Variants in SLC26A5 observed in about 807,000 individuals in gnomAD.
SLC26A5 encodes the protein prestin.
Under a neutral mutation model 81.0 loss-of-function variants are expected in SLC26A5, and 51 were observed. The ratio of observed to expected loss-of-function variants is 0.63; its 90% CI spans 0.50 to 0.80. The LOEUF is 0.80. Ranked by LOEUF, SLC26A5 falls within the 30% of genes least tolerant of loss-of-function variation. The probability of loss-of-function intolerance (pLI) is 0.00; values close to 1 mark genes in which losing one functional copy is unlikely to be tolerated. For missense variants in SLC26A5, 771 were observed against 905.8 expected (o/e 0.85, Z 1.91); for synonymous variants, 325 against 332.8 (o/e 0.98, Z 0.25).
At chr7:103,430,802 T>C (rs961482936) in intron 2 of SLC26A5, among the ~76,000 whole-genome samples, 1 of 152,222 alleles carries the variant, frequency 6.6e-6, no homozygotes, top group African/African-American at 2.4e-5. Flanking sequence ...ATCAGATCTT[T>C]TAAGTCCATG....
Position 103,377,706 on chromosome 7 carries a change from C to T in SLC26A5, c.1879G>A (p.Glu627Lys), listed in dbSNP as rs1343334845. The T allele has an allele frequency of 6.2e-7, 1 of 1,613,836 alleles. No homozygotes were observed. Among genetic ancestry groups the T allele is most frequent in the African/African-American group, 1.3e-5 (1 of 74,912 alleles). ...GGGGGCATAAATCTTTGCATTTCCT[C>T]AGGAAATGTGCTTTTGATCACTATT... ...PPIVIKSTFPEEMQRFMPPGD... is the reference protein window; with the variant it reads ...PPIVIKSTFPKEMQRFMPPGD... Residue 627 changes from glutamate (E) to lysine (K), a missense_variant, in exon 18 of 20, where the codon GAG (glutamate) becomes AAG (lysine). Transcript: ENST00000306312.
At chr7:103,421,988 A>G (rs1825388813) in intron 2 of SLC26A5, among the ~76,000 whole-genome samples, 1 of 152,204 alleles carries the variant, frequency 6.6e-6, no homozygotes, top group Non-Finnish European at 1.5e-5. Context: ...CCAATTCTAT[A>G]TTTATGGTTG....
At chr7:103,362,793 TC>T (rs569927187) in intron 19 of SLC26A5, 252 of 1,291,982 alleles carry the variant, frequency 2.0e-4, no homozygotes, top group South Asian at 3.3e-4. Flanking sequence ...GAAGGCTATG[TC>T]TTTTTTTTTT....
At chr7:103,362,722 G>A in intron 19 of SLC26A5, 1 of 1,605,462 alleles carries the variant, frequency 6.2e-7, no homozygotes, top group Non-Finnish European at 8.5e-7. Flanking sequence ...ACATTCCATT[G>A]CCTCCTAAGA....
At chr7:103,390,781 C>T (rs1822577234) in intron 11 of SLC26A5, among the ~76,000 whole-genome samples, 1 of 151,934 alleles carries the variant, frequency 6.6e-6, no homozygotes, top group Admixed American at 6.6e-5. Flanking sequence ...TGGTGCCAAC[C>T]TGAGACCTAC....
chr7:103,445,638 T>C (rs1165644743), intron 1 of SLC26A5: 1 of 152,140 alleles, frequency 6.6e-6, no homozygotes, highest in Non-Finnish European at 1.5e-5. Context: ...GGGCGGCCAA[T>C]GCCGGGCAAG....
intron 5 of SLC26A5, among the ~76,000 whole-genome samples, chr7:103,412,778 T>C (rs1382490886): frequency 6.6e-6 from 1 of 152,114 alleles, no homozygotes; most frequent in Admixed American, 6.6e-5. Context: ...CTCGAACTAC[T>C]GACCTCAGAC....
At chr7:103,402,805 T>C (rs1247300103) in intron 8 of SLC26A5, among the ~76,000 whole-genome samples, 4 of 152,230 alleles carry the variant, frequency 2.6e-5, no homozygotes, top group Non-Finnish European at 5.9e-5. Context: ...TCTATTTTGT[T>C]AATCTTTTCA....
intron 6 of SLC26A5, 93 bp downstream of exon 6, chr7:103,411,327 A>G: frequency 2.0e-6 from 3 of 1,487,784 alleles, no homozygotes; most frequent in Non-Finnish European, 2.8e-6. Flanking sequence ...GGCTGACCCC[A>G]TCCACCGTGT....
chr7:103,376,707 A>C lies in SLC26A5; in HGVS notation c.2041+101T>G. The C allele has an allele frequency of 3.3e-6, 3 of 914,658 alleles. No individual in the cohort carries two copies. The Admixed American group carries it at 6.7e-5, about 20-fold the overall frequency. 56.7% of individuals were successfully genotyped at this position (914,658 alleles called of 1,614,324 possible). ...TTTCAGAAGAACAATTTTCATTTTT[A>C]TAAAATAATTAAAATTAAGGACATT... On this transcript the variant is annotated intron_variant, in intron 19 of 19. Transcript: ENST00000306312.
intron 3 of SLC26A5, 119 bp from the exon 4 acceptor site, chr7:103,420,996 G>T (rs374195363): frequency 1.4e-5 from 16 of 1,135,276 alleles, no homozygotes; most frequent in Middle Eastern, 5.5e-4. Context: ...TTTCCAATTG[G>T]TGATTCAAGA....
At chr7:103,416,741 T>C (rs1824941666) in intron 4 of SLC26A5, among the ~76,000 whole-genome samples, 1 of 152,216 alleles carries the variant, frequency 6.6e-6, no homozygotes, top group Middle Eastern at 3.4e-3. Context: ...GTTCCACGTG[T>C]CTCCTCTCTC....
chr7:103,435,660 T>C (rs1826395849), intron 2 of SLC26A5, among the ~76,000 whole-genome samples: 1 of 152,224 alleles, frequency 6.6e-6, no homozygotes, highest in African/African-American at 2.4e-5. Flanking sequence ...AACTAGTCCA[T>C]GAAGACTTTC....
chr7:103,441,416 T>G (rs2108264), intron 2 of SLC26A5, among the ~76,000 whole-genome samples: 1 of 152,020 alleles, frequency 6.6e-6, no homozygotes, highest in Non-Finnish European at 1.5e-5. Flanking sequence ...GAATTTACAA[T>G]GTAATGGCAA....
chr7:103,392,418 C>T (rs973790695), intron 10 of SLC26A5, among the ~76,000 whole-genome samples: 2 of 152,136 alleles, frequency 1.3e-5, no homozygotes, highest in African/African-American at 4.8e-5. Flanking sequence ...GGAGCAAAAA[C>T]GCCCTGGAAA....
rs767480377 is a variant in SLC26A5 at position 103,379,309 on chromosome 7, T to C, written c.1611A>G (p.Ile537Met). The C allele has an allele frequency of 6.2e-7, 1 of 1,609,146 alleles. No homozygotes were observed. Among genetic ancestry groups the C allele is most frequent in the South Asian group, 1.1e-5 (1 of 90,966 alleles). Residue 537 changes from isoleucine (I) to methionine (M), a missense_variant, in exon 16 of 20, where the codon ATA (isoleucine) becomes ATG (methionine). Physicochemically the swap from Ile to Met is conservative, Grantham distance 10. Coordinates refer to ENST00000306312, the MANE Select transcript of SLC26A5 (RefSeq NM_198999.3). ...AGTAAATTGGTGCATTTATTTGAAATATTTTTATTCCAGGAATTTCTTTCA... is the reference window on the plus strand; with the variant it reads ...AGTAAATTGGTGCATTTATTTGAAACATTTTTATTCCAGGAATTTCTTTCA... ...EEVKEIPGIK[I>M]FQINAPIYYA...
At chr7:103,389,547 C>T (rs1050859713) in intron 12 of SLC26A5, 123 bp from the exon 13 acceptor site, 9 of 745,672 alleles carry the variant, frequency 1.2e-5, no homozygotes, top group South Asian at 2.9e-5. Context: ...TATATGGCAC[C>T]GATGGTAGCT....
At chr7:103,420,637 A>G in intron 4 of SLC26A5, 101 bp downstream of exon 4, 1 of 1,446,218 alleles carries the variant, frequency 6.9e-7, no homozygotes. Context: ...TACTAGAAAG[A>G]TATGATAAAA....
At chr7:103,375,749 CT>C (rs371992920) in intron 19 of SLC26A5, among the ~76,000 whole-genome samples, 1,680 of 146,182 alleles carry the variant, frequency 0.011, 22 homozygotes, top group African/African-American at 0.04. Flanking sequence ...CACTGTTTTA[CT>C]TTTTTTTTTT....
Sources: allele counts gnomAD v4.1 joint callset (sites outside exome capture counted in the v4.1 genomes callset), GRCh38; gene constraint gnomAD v4.1.1; transcripts MANE v1.5; gene names NCBI Gene and HGNC (gene_info 2026-07-23, HGNC 2026-07-21).